Variants in MGRN1 observed in about 807,000 individuals in gnomAD.
MGRN1 encodes the protein mahogunin ring finger 1.
A neutral mutation model predicts 69.2 loss-of-function variants in MGRN1; 29 were observed. That is an observed-to-expected ratio of 0.42 (90% CI 0.31 to 0.57). The LOEUF (loss-of-function observed/expected upper bound fraction) is 0.57, where lower values mean the gene tolerates loss of function less well. Among genes scored for constraint, MGRN1 ranks in the 20% least tolerant of loss-of-function variants. The pLI, the probability that MGRN1 is intolerant of heterozygous loss-of-function variation, is 0.15. For synonymous variants in MGRN1, 470 were observed against 344.2 expected (o/e 1.37, Z -4.04); for missense variants, 998 against 796.2 (o/e 1.25, Z -3.05).
At chr16:4,673,811 C>G (rs189784212) in intron 10 of MGRN1, among the ~76,000 whole-genome samples, 154 bp downstream of exon 10, 2 of 152,284 alleles carry the variant, frequency 1.3e-5, no homozygotes, top group Non-Finnish European at 2.9e-5. Context: ...GGCGTGTTGG[C>G]TGTCGGAGTC....
rs935930103 is a variant in MGRN1 at position 4,687,208 on chromosome 16, C to CT, written c.1619-1588_1619-1587insT. On this transcript the variant is annotated intron_variant, in intron 16 of 16. Transcript: ENST00000262370. ...GCCCTGTGAGGTTGGCATCCCCCATCCCCCCCAAGAGGCGCCCTCTACCAG... is the reference window on the plus strand; with the variant it reads ...GCCCTGTGAGGTTGGCATCCCCCATCTCCCCCCAAGAGGCGCCCTCTACCAG... The CT allele has an allele frequency of 2.0e-5, 17 of 863,162 alleles. No homozygotes were observed. The African/African-American group carries it at 5.7e-4, about 29-fold the overall frequency. The allele number at this position is 863,162 out of a possible 1,614,324, so 53.5% of individuals were successfully genotyped here. A position where few individuals can be genotyped will look rare whatever the true frequency, so the allele number is the denominator to read the frequency against.
chr16:4,672,404 C>T (rs1344836858), intron 9 of MGRN1: 1 of 456,736 alleles, frequency 2.2e-6, no homozygotes, highest in Non-Finnish European at 4.4e-6. Flanking sequence ...CTTAAGATCT[C>T]TTGGAAAGTC....
intron 1 of MGRN1, among the ~76,000 whole-genome samples, chr16:4,644,203 G>T (rs1364948506): frequency 1.3e-5 from 2 of 151,846 alleles, no homozygotes; most frequent in Non-Finnish European, 2.9e-5. Flanking sequence ...TGTTGGCCAG[G>T]CTGGTCTAGA....
intron 7 of MGRN1, among the ~76,000 whole-genome samples, chr16:4,667,276 G>A (rs770095062): frequency 1.3e-5 from 2 of 152,192 alleles, no homozygotes; most frequent in Non-Finnish European, 2.9e-5. Context: ...CCCCAGGGTC[G>A]GGGGTTCTGT....
intron 1 of MGRN1, chr16:4,640,613 G>A (rs1237360524): frequency 6.6e-6 from 1 of 152,330 alleles, no homozygotes; most frequent in African/African-American, 2.4e-5. Context: ...GTCCTTGAGT[G>A]TGTTGGTTCC....
chr16:4,661,049 A>C (rs1193872017), intron 5 of MGRN1, among the ~76,000 whole-genome samples: 2 of 151,808 alleles, frequency 1.3e-5, no homozygotes, highest in Non-Finnish European at 2.9e-5. Flanking sequence ...TGGCACAATC[A>C]CAGCTTGCCG....
At chr16:4,668,593 TACAC>T (rs754673847) in intron 8 of MGRN1, among the ~76,000 whole-genome samples, 5 of 150,288 alleles carry the variant, frequency 3.3e-5, no homozygotes, top group South Asian at 2.1e-4. Context: ...ACGACACTCA[TACAC>T]ACATACACTC....
chr16:4,686,142 T>C, intron 16 of MGRN1: 1 of 1,191,448 alleles, frequency 8.4e-7, no homozygotes, highest in Non-Finnish European at 1.2e-6. Flanking sequence ...TGCAGCAGAG[T>C]GTTTGTTTCT....
chr16:4,637,416 T>A (rs2141839300), intron 1 of MGRN1, among the ~76,000 whole-genome samples: 1 of 152,066 alleles, frequency 6.6e-6, no homozygotes, highest in East Asian at 1.9e-4. Context: ...AGCGACAGAG[T>A]GAGACTGTCT....
chr16:4,665,819 C>T (rs965130357), intron 7 of MGRN1, among the ~76,000 whole-genome samples: 4 of 151,812 alleles, frequency 2.6e-5, no homozygotes, highest in Non-Finnish European at 5.9e-5. Flanking sequence ...CAGGCCCATG[C>T]CACCATGCCT....
At chr16:4,638,882 C>T (rs553940391) in intron 1 of MGRN1, among the ~76,000 whole-genome samples, 100 of 152,330 alleles carry the variant, frequency 6.6e-4, no homozygotes, top group African/African-American at 2.0e-3. Flanking sequence ...GTGAAGTCCA[C>T]CCCTGGTGTC....
chr16:4,638,674 C>T (rs112987014), intron 1 of MGRN1, among the ~76,000 whole-genome samples: 7 of 152,206 alleles, frequency 4.6e-5, no homozygotes, highest in African/African-American at 1.7e-4. Flanking sequence ...TGATCTTGTG[C>T]AGGTCTGGCC....
intron 1 of MGRN1, among the ~76,000 whole-genome samples, chr16:4,627,053 C>T (rs774469025): frequency 1.3e-5 from 2 of 152,348 alleles, no homozygotes; most frequent in African/African-American, 4.8e-5. Flanking sequence ...GACTCCCCGC[C>T]TCTCCTGTCT....
At chr16:4,673,460 T>TTG in intron 9 of MGRN1, 38 bp from the exon 10 acceptor site, 1 of 1,602,424 alleles carries the variant, frequency 6.2e-7, no homozygotes, top group Non-Finnish European at 8.5e-7. Context: ...ACTCTGGCCT[T>TTG]TGGGAGGCTG....
At chr16:4,682,384 G>T (rs970253503) in intron 13 of MGRN1, among the ~76,000 whole-genome samples, 3 of 152,226 alleles carry the variant, frequency 2.0e-5, no homozygotes, top group Non-Finnish European at 2.9e-5. Context: ...CTGCCAGGGG[G>T]ACTCTGTGCC....
intron 1 of MGRN1, among the ~76,000 whole-genome samples, chr16:4,634,046 C>G (rs1898151774): frequency 6.6e-6 from 1 of 152,192 alleles, no homozygotes; most frequent in South Asian, 2.1e-4. Context: ...ATTGCAGCTG[C>G]CATTGGGGGC....
At chr16:4,633,806 C>T (rs1482615399) in intron 1 of MGRN1, 2 of 151,976 alleles carry the variant, frequency 1.3e-5, no homozygotes, top group Admixed American at 6.5e-5. Context: ...CAAGCTCTGC[C>T]TCCCGGGTTC....
At chr16:4,688,723 C>T in intron 16 of MGRN1, 73 bp from the exon 17 acceptor site, 1 of 1,483,752 alleles carries the variant, frequency 6.7e-7, no homozygotes, top group Non-Finnish European at 9.0e-7. Flanking sequence ...TCTGGGGCTC[C>T]AGATCGGTAG....
At chr16:4,641,515 CT>C (rs542014508) in intron 1 of MGRN1, among the ~76,000 whole-genome samples, 6,495 of 135,348 alleles carry the variant, frequency 0.048, 146 homozygotes, top group African/African-American at 0.063. Flanking sequence ...TGCCTGGCTA[CT>C]TTTTTTTTTT....
Sources: gnomAD v4.1 joint callset for allele counts (sites outside exome capture counted in the v4.1 genomes callset) on GRCh38, gnomAD v4.1.1 for gene constraint, MANE v1.5 for transcripts, NCBI Gene and HGNC (gene_info 2026-07-23, HGNC 2026-07-21) for gene names.